Variants in CDS2 observed in about 807,000 individuals in gnomAD.
CDS2 encodes the protein phosphatidate cytidylyltransferase 2.
A neutral mutation model predicts 59.0 loss-of-function variants in CDS2; 47 were observed. The ratio of observed to expected loss-of-function variants is 0.80; its 90% CI spans 0.63 to 1.02. The LOEUF is 1.02. Ranked by LOEUF, CDS2 falls within the 50% of genes least tolerant of loss-of-function variation. CDS2 has a pLI of 0.00. For synonymous variants in CDS2, 207 were observed against 206.4 expected (o/e 1.00, Z -0.02); for missense variants, 356 against 558.9 (o/e 0.64, Z 3.66).
intron 10 of CDS2, 48 bp from the exon 11 acceptor site, chr20:5,189,019 C>A: frequency 6.2e-7 from 1 of 1,611,642 alleles, no homozygotes; most frequent in Non-Finnish European, 8.5e-7. Context: ...CAAACCGTAA[C>A]ACTGGGCATG....
intron 1 of CDS2, among the ~76,000 whole-genome samples, chr20:5,130,906 A>G (rs1285029991): frequency 1.3e-5 from 2 of 149,150 alleles, no homozygotes; most frequent in African/African-American, 2.5e-5. Context: ...CCTGGCTAAC[A>G]TGGTGAAACC....
chr20:5,138,546 C>T (rs2090666773), intron 1 of CDS2, among the ~76,000 whole-genome samples: 1 of 151,762 alleles, frequency 6.6e-6, no homozygotes, highest in Non-Finnish European at 1.5e-5. Context: ...AGTGCAATGG[C>T]GCCATTTTGG....
intron 1 of CDS2, among the ~76,000 whole-genome samples, chr20:5,133,012 A>G (rs2090620268): frequency 6.9e-6 from 1 of 145,460 alleles, no homozygotes; most frequent in Non-Finnish European, 1.5e-5. Flanking sequence ...CTCTACTACA[A>G]AAAAAAAAAA....
chr20:5,177,904 G>A (rs934083811), intron 4 of CDS2, among the ~76,000 whole-genome samples: 5 of 152,204 alleles, frequency 3.3e-5, no homozygotes, highest in Non-Finnish European at 7.3e-5. Context: ...TACTCAGGAG[G>A]CCTGACTCCT....
intron 1 of CDS2, among the ~76,000 whole-genome samples, chr20:5,170,776 G>A (rs1049100385): frequency 2.0e-5 from 3 of 152,176 alleles, no homozygotes; most frequent in Admixed American, 1.3e-4. Flanking sequence ...TTTGTTCAGT[G>A]GTTTTTTGAA....
intron 1 of CDS2, among the ~76,000 whole-genome samples, chr20:5,154,797 GC>G (rs1310040938): frequency 2.0e-5 from 3 of 152,168 alleles, no homozygotes; most frequent in African/African-American, 7.2e-5. Flanking sequence ...ACGGGTGCGT[GC>G]CACTACACTC....
At chr20:5,187,540 G>C (rs1281889795) in intron 10 of CDS2, 2 of 152,064 alleles carry the variant, frequency 1.3e-5, no homozygotes, top group East Asian at 1.9e-4. Context: ...TTGGGTATTT[G>C]GCAGACATTT....
intron 1 of CDS2, among the ~76,000 whole-genome samples, chr20:5,150,437 A>G (rs1430554730): frequency 6.6e-6 from 1 of 152,230 alleles, no homozygotes; most frequent in African/African-American, 2.4e-5. Context: ...GGTCTCCGCC[A>G]GTCATTTTTC....
chr20:5,130,139 A>AT (rs954427850), intron 1 of CDS2, among the ~76,000 whole-genome samples: 14 of 151,482 alleles, frequency 9.2e-5, no homozygotes, highest in Admixed American at 7.9e-4. Flanking sequence ...CGACTGGCTA[A>AT]TTTTTTTGTG....
chr20:5,184,846 G>A lies in CDS2; in HGVS notation c.672-12G>A, dbSNP rs373552904. On this transcript the variant is annotated splice_polypyrimidine_tract_variant and intron_variant, in intron 7 of 12. Coordinates refer to ENST00000460006, the MANE Select transcript of CDS2 (RefSeq NM_003818.4). This position sits in a 1 kb window ranked among gnomAD's most constrained non-coding sequence, Gnocchi z 4.3. The stretch of plus-strand genomic sequence containing the variant: ...CTTGCTTGAGTTGATCCTTACTTTG[G>A]TTCATTTCTAGGTTCATTGTCCCCA... 1 of 1,604,108 alleles carries A rather than the reference G, an allele frequency of 6.2e-7. No individual in the cohort carries two copies. Among genetic ancestry groups the A allele is most frequent in the African/African-American group, 1.3e-5 (1 of 74,660 alleles).
chr20:5,151,735 G>A (rs543441402), intron 1 of CDS2, among the ~76,000 whole-genome samples: 53 of 146,424 alleles, frequency 3.6e-4, no homozygotes, highest in South Asian at 1.4e-3. Context: ...ACCATGCCTG[G>A]CCTAGACTCC....
At chr20:5,175,859 T>C (rs774047780) in intron 3 of CDS2, among the ~76,000 whole-genome samples, 7 of 152,200 alleles carry the variant, frequency 4.6e-5, no homozygotes, top group Non-Finnish European at 8.8e-5. Context: ...GGCATGTCTC[T>C]ATATGACTCC....
At chr20:5,149,420 C>T (rs2090771031) in intron 1 of CDS2, among the ~76,000 whole-genome samples, 1 of 152,060 alleles carries the variant, frequency 6.6e-6, no homozygotes, top group South Asian at 2.1e-4. Context: ...AGATTTTTCT[C>T]AATTTGTCAT....
chr20:5,177,897 T>G (rs2091006333), intron 4 of CDS2, among the ~76,000 whole-genome samples: 1 of 152,218 alleles, frequency 6.6e-6, no homozygotes, highest in Admixed American at 6.5e-5. Flanking sequence ...GTTAACATAC[T>G]CAGGAGGCCT....
At chr20:5,158,857 A>T (rs2090854227) in intron 1 of CDS2, among the ~76,000 whole-genome samples, 1 of 152,212 alleles carries the variant, frequency 6.6e-6, no homozygotes, top group South Asian at 2.1e-4. Context: ...AGTGATTTGC[A>T]AACTGTGTTC....
Position 5,127,041 on chromosome 20 carries a change from C to T in CDS2, c.-52C>T, listed in dbSNP as rs1396800068. 7 of 1,472,668 alleles carry T rather than the reference C, an allele frequency of 4.8e-6. No homozygotes were observed. Among genetic ancestry groups the T allele is most frequent in the Admixed American group, 2.4e-5 (1 of 41,116 alleles). 91.2% of individuals were successfully genotyped at this position (1,472,668 alleles called of 1,614,324 possible). A position where few individuals can be genotyped will look rare whatever the true frequency, so the allele number is the denominator to read the frequency against. On this transcript the variant is annotated 5_prime_UTR_variant, in exon 1 of 13. Transcript: ENST00000460006. Reference sequence around the variant, plus strand: ...GCGCGTGCCCGCGCCGAGCTGCCTGCTCCGGCGGCTTCGCTGCTAGCTCGC... The same window carrying T: ...GCGCGTGCCCGCGCCGAGCTGCCTGTTCCGGCGGCTTCGCTGCTAGCTCGC...
intron 1 of CDS2, among the ~76,000 whole-genome samples, chr20:5,141,606 C>A (rs1439074889): frequency 6.6e-6 from 1 of 151,966 alleles, no homozygotes; most frequent in Non-Finnish European, 1.5e-5. Context: ...TATTTGTATC[C>A]AATATACAAT....
intron 4 of CDS2, among the ~76,000 whole-genome samples, chr20:5,177,114 G>T (rs1275339710): frequency 1.3e-5 from 2 of 152,130 alleles, no homozygotes; most frequent in Non-Finnish European, 2.9e-5. Context: ...GAAGAAACCA[G>T]ATGGGCTGCA....
intron 1 of CDS2, among the ~76,000 whole-genome samples, chr20:5,161,673 T>C (rs1335110288): frequency 1.3e-5 from 2 of 152,240 alleles, no homozygotes; most frequent in East Asian, 3.8e-4. Context: ...TTTACCGTAA[T>C]TTACCTAATA....
Sources: allele counts gnomAD v4.1 joint callset (sites outside exome capture counted in the v4.1 genomes callset), GRCh38; gene constraint gnomAD v4.1.1; non-coding constraint Gnocchi (gnomAD v3.1); transcripts MANE v1.5; gene names NCBI Gene and HGNC (gene_info 2026-07-23, HGNC 2026-07-21).